The following MGAM variants were observed in gnomAD, a reference collection of about 807,000 sequenced individuals.
MGAM encodes alpha-1,4-glucosidase.
In MGAM, 253 loss-of-function variants were observed where a neutral mutation model predicts 358.8. That is an observed-to-expected ratio of 0.71 (90% confidence interval 0.64 to 0.78). MGAM has a LOEUF of 0.78. MGAM is among the 30% of genes least tolerant of loss of function. The probability of loss-of-function intolerance (pLI) is 0.00; values close to 1 mark genes in which losing one functional copy is unlikely to be tolerated. For missense variants in MGAM, 3,080 were observed against 3,432.6 expected (o/e 0.90, Z 2.57); for synonymous variants, 1,105 against 1,227.1 (o/e 0.90, Z 2.08).
chr7:141,998,489 G>A (rs1804456173), intron 1 of MGAM, among the ~76,000 whole-genome samples: 1 of 152,152 alleles, frequency 6.6e-6, no homozygotes. Context: ...TTCCACTTAT[G>A]AGTGAAAACA....
chr7:142,022,219 T>C (rs1293316581), intron 6 of MGAM, 49 bp from the exon 7 acceptor site: 3 of 1,534,898 alleles, frequency 2.0e-6, no homozygotes, highest in African/African-American at 2.8e-5. Flanking sequence ...ACTTACGTTC[T>C]CTCCACCCTG....
intron 18 of MGAM, 65 bp downstream of exon 18, chr7:142,037,042 A>C: frequency 1.3e-6 from 2 of 1,492,812 alleles, no homozygotes; most frequent in South Asian, 2.4e-5. Context: ...TATATCATCA[A>C]ATATCAGAGT....
At chr7:142,067,092 T>G (rs4283959) in intron 41 of MGAM, among the ~76,000 whole-genome samples, 1 of 145,018 alleles carries the variant, frequency 6.9e-6, no homozygotes, top group South Asian at 2.2e-4. Context: ...AAATGTGCCA[T>G]GGTTAAGAAA....
chr7:142,058,856 C>A (rs1811817532), intron 31 of MGAM, among the ~76,000 whole-genome samples: 1 of 152,152 alleles, frequency 6.6e-6, no homozygotes, highest in Non-Finnish European at 1.5e-5. Flanking sequence ...TGGGAGGGGA[C>A]CCAGTCATCA....
chr7:142,075,701 A>G (rs6979151), intron 45 of MGAM, among the ~76,000 whole-genome samples: 4,915 of 146,312 alleles, frequency 0.034, 452 homozygotes, highest in African/African-American at 0.093. Flanking sequence ...GCATCAGTAA[A>G]TGACACAGGT....
upstream of MGAM, among the ~76,000 whole-genome samples, chr7:141,995,589 A>G (rs1584883031): frequency 6.6e-5 from 10 of 152,196 alleles, no homozygotes; most frequent in South Asian, 1.9e-3. Flanking sequence ...ATCATCTACA[A>G]ATTGTGTCTG....
chr7:142,104,825 C>T (rs1432001172), intron 70 of MGAM, among the ~76,000 whole-genome samples: 1 of 152,148 alleles, frequency 6.6e-6, no homozygotes, highest in Non-Finnish European at 1.5e-5. Context: ...GGTCCTGACA[C>T]TTATCATCCC....
At chr7:142,043,879 G>A (rs1327881469) in intron 21 of MGAM, among the ~76,000 whole-genome samples, 44 of 114,418 alleles carry the variant, frequency 3.8e-4, no homozygotes, top group Non-Finnish European at 6.1e-4. Flanking sequence ...ATACACATAC[G>A]ACGTATAATA....
intron 21 of MGAM, among the ~76,000 whole-genome samples, chr7:142,045,986 ATACATACAATATGTAATATATATTATG>A (rs1276100341): frequency 2.0e-5 from 2 of 101,296 alleles, no homozygotes; most frequent in African/African-American, 5.9e-5. Flanking sequence ...TATATTATGT[ATACATACAATATGTAATATATATTATG>A]TATACATACA....
At position 142,090,284 on chromosome 7, in the gene MGAM, C is replaced by T. The variant is rs1237417362; in HGVS notation, c.6811-1629C>T. ...CTACATCATGGCTGGCCAAGTTCAC[C>T]ACGTGTACCCCATATGGGATACAAT... On this transcript the variant is annotated intron_variant, in intron 57 of 70. Coordinates refer to ENST00000475668, the MANE Select transcript of MGAM (RefSeq NM_001365693.1). Among the ~76,000 whole-genome samples, 6 of 145,812 alleles carry T rather than the reference C, an allele frequency of 4.1e-5. 1 individual carries two copies. Among genetic ancestry groups the T allele is most frequent in the Non-Finnish European group, 4.7e-5 (3 of 64,388 alleles).
At chr7:142,089,764 G>A (rs1436835987) in intron 57 of MGAM, among the ~76,000 whole-genome samples, 1 of 145,848 alleles carries the variant, frequency 6.9e-6, no homozygotes, top group African/African-American at 2.4e-5. Context: ...TCCAGCCTGG[G>A]TGACACAGCG....
intron 14 of MGAM, among the ~76,000 whole-genome samples, chr7:142,033,244 A>G (rs574347667): frequency 1.3e-5 from 2 of 152,318 alleles, no homozygotes; most frequent in African/African-American, 2.4e-5. Flanking sequence ...AGGGTTTACC[A>G]GAGAGACACC....
chr7:142,062,075 G>A (rs112812948), intron 34 of MGAM, among the ~76,000 whole-genome samples: 1,871 of 152,274 alleles, frequency 0.012, 41 homozygotes, highest in African/African-American at 0.043. Flanking sequence ...TTCTGAAATC[G>A]TAGAAAACAC....
chr7:142,040,195 T>C, intron 20 of MGAM, 24 bp downstream of exon 20: 1 of 1,581,820 alleles, frequency 6.3e-7, no homozygotes, highest in Non-Finnish European at 8.7e-7. Context: ...ACTTTTCTTC[T>C]ACTCCTTAAG....
At chr7:142,038,669 C>T in intron 19 of MGAM, 54 bp downstream of exon 19, 1 of 1,284,504 alleles carries the variant, frequency 7.8e-7, no homozygotes, top group East Asian at 2.6e-5. Flanking sequence ...ATCTGCTGCC[C>T]TGCAAACTCC....
At chr7:142,076,312 T>C in intron 46 of MGAM, 60 bp downstream of exon 46, 1 of 1,350,014 alleles carries the variant, frequency 7.4e-7, no homozygotes, top group East Asian at 2.3e-5. Flanking sequence ...TTAGCACATC[T>C]GTGCTTGTGT....
At chr7:141,998,411 G>A (rs183822360) in intron 1 of MGAM, among the ~76,000 whole-genome samples, 53 of 152,034 alleles carry the variant, frequency 3.5e-4, no homozygotes, top group African/African-American at 1.1e-3. Flanking sequence ...CCCCTAGCCC[G>A]CCATCCCCTG....
rs201499780 is a variant in MGAM at position 142,082,493 on chromosome 7, G to T, written c.6190G>T (p.Gly2064Cys). 160 of 1,531,812 alleles carry T rather than the reference G, an allele frequency of 1.0e-4. 26 individuals are homozygous for T. The highest frequency in any genetic ancestry group is 1.4e-4 in the Admixed American group (8 of 56,232). The allele number at this position is 1,531,812 out of a possible 1,614,324, so 94.9% of individuals were successfully genotyped here. A position where few individuals can be genotyped will look rare whatever the true frequency, so the allele number is the denominator to read the frequency against. Residue 2064 changes from glycine (G) to cysteine (C), a missense_variant, in exon 52 of 71, where the codon GGT becomes TGT. By Grantham distance (159) the Gly-to-Cys change is radical (BLOSUM62 -3). Around this residue, in one of 5 missense-constraint regions of MGAM, gnomAD observed 932 missense variants for 1,198.2 expected, o/e 0.78. Transcript: ENST00000475668. ...QPPGYKKNSY[G>C]VHPYYMGLEE... ...TCTCCAGTACAAGAAGAATTCCTAT[G>T]GTGTCCACCCCTACTACATGGGGCT...
intron 6 of MGAM, 39 bp from the exon 7 acceptor site, chr7:142,022,229 G>A (rs1554459132): frequency 1.9e-6 from 3 of 1,558,670 alleles, no homozygotes; most frequent in African/African-American, 2.7e-5. Context: ...TCTCCACCCT[G>A]CTTGCTCACC....
Sources: allele counts gnomAD v4.1 joint callset (sites outside exome capture counted in the v4.1 genomes callset), GRCh38; gene constraint gnomAD v4.1.1; regional missense constraint gnomAD v4.1.1; transcripts MANE v1.5; gene names NCBI Gene and HGNC (gene_info 2026-07-23, HGNC 2026-07-21).